Variants in TACC2 observed in about 807,000 individuals in gnomAD.
The protein encoded by TACC2 is transforming acidic coiled-coil-containing protein 2.
TACC2 carries 137 observed loss-of-function variants against 227.3 expected under a neutral mutation model. The observed-to-expected ratio is 0.60, with a 90% confidence interval of 0.52 to 0.69. TACC2 has a LOEUF of 0.69. Ranked by LOEUF, TACC2 falls within the 30% of genes least tolerant of loss-of-function variation. The probability of loss-of-function intolerance (pLI) is 0.00; values close to 1 mark genes in which losing one functional copy is unlikely to be tolerated. For synonymous variants in TACC2, 1,523 were observed against 1,487.5 expected (o/e 1.02, Z -0.55); for missense variants, 3,470 against 3,694.4 (o/e 0.94, Z 1.57).
At chr10:122,005,378 C>CTGG (rs1271506441) in intron 1 of TACC2, among the ~76,000 whole-genome samples, 4 of 137,798 alleles carry the variant, frequency 2.9e-5, no homozygotes, top group South Asian at 2.3e-4. Context: ...GCCACCACGC[C>CTGG]CAGCTTTTTT....
At chr10:122,252,332 C>T (rs765952745) in intron 22 of TACC2, among the ~76,000 whole-genome samples, 6 of 152,126 alleles carry the variant, frequency 3.9e-5, no homozygotes, top group Non-Finnish European at 7.4e-5. Flanking sequence ...GAGGATAATA[C>T]TGGCTTCCTT....
At chr10:122,064,600 A>G (rs967971685) in intron 3 of TACC2, among the ~76,000 whole-genome samples, 1 of 152,206 alleles carries the variant, frequency 6.6e-6, no homozygotes, top group African/African-American at 2.4e-5. Flanking sequence ...CCACTGGACA[A>G]CATTGAGGAC....
intron 7 of TACC2, among the ~76,000 whole-genome samples, chr10:122,176,115 CTCTATATATATATATATA>C (rs2093701273): frequency 2.1e-5 from 1 of 47,180 alleles, no homozygotes; most frequent in Non-Finnish European, 3.7e-5. Flanking sequence ...CTCTCTCTCT[CTCTATATATATATATATA>C]TATATATATA....
intron 7 of TACC2, among the ~76,000 whole-genome samples, chr10:122,191,815 T>G (rs1253445420): frequency 6.6e-6 from 1 of 152,260 alleles, no homozygotes; most frequent in Non-Finnish European, 1.5e-5. Flanking sequence ...ATTAATTTTC[T>G]TTTCTTTCAT....
chr10:122,095,122 C>T (rs187413782), intron 5 of TACC2, among the ~76,000 whole-genome samples: 3 of 152,318 alleles, frequency 2.0e-5, no homozygotes, highest in Middle Eastern at 3.4e-3. Context: ...GTTTTGGCCC[C>T]TGATGGCAAG....
chr10:122,216,288 T>C (rs1247783067), intron 10 of TACC2, among the ~76,000 whole-genome samples: 1 of 152,148 alleles, frequency 6.6e-6, no homozygotes, highest in South Asian at 2.1e-4. Flanking sequence ...GTGATATTGA[T>C]GTGCAGGCCT....
intron 7 of TACC2, among the ~76,000 whole-genome samples, chr10:122,186,894 G>T (rs192270726): frequency 6.6e-6 from 1 of 152,290 alleles, no homozygotes; most frequent in Admixed American, 6.5e-5. Context: ...GTGTGCGAAG[G>T]CAAGGAAACC....
At chr10:122,242,635 C>T (rs2038595) in intron 19 of TACC2, among the ~76,000 whole-genome samples, 43,827 of 152,012 alleles carry the variant, frequency 0.29, 7,665 homozygotes, top group South Asian at 0.43. Context: ...ATCCCTGGGC[C>T]TTTTTTTCTT....
At position 122,083,885 on chromosome 10, in the gene TACC2, A is replaced by G. The variant is rs1565243782; in HGVS notation, c.1385A>G (p.Asp462Gly). The G allele has an allele frequency of 6.2e-7, 1 of 1,614,178 alleles. No homozygotes were observed. The highest frequency in any genetic ancestry group is 2.2e-5 in the East Asian group (1 of 44,872). The change falls in exon 4 of 23, where the codon GAT becomes GGT. Residue 462 changes from aspartate to glycine, a missense_variant. By Grantham distance (94) the Asp-to-Gly change is moderately conservative (BLOSUM62 -1). This residue lies in a region of TACC2 where 1,924 missense variants were observed against 1,978.3 expected (regional missense o/e 0.97). Coordinates refer to ENST00000369005, the MANE Select transcript of TACC2 (RefSeq NM_206862.4). ...GCAGATGCAGCCAAAGAGGTGGTGG[A>G]TGCAGGGTTGGTGGGACTGGAGAGG... ...VSADAAKEVV[D>G]AGLVGLERQV...
intron 2 of TACC2, among the ~76,000 whole-genome samples, chr10:122,028,913 C>A (rs1591242545): frequency 2.9e-5 from 1 of 34,734 alleles, no homozygotes; most frequent in Non-Finnish European, 5.6e-5. Flanking sequence ...CTCCCCTCCC[C>A]TTCCCTTCCC....
At chr10:122,003,051 A>T (rs1310437091) in intron 1 of TACC2, among the ~76,000 whole-genome samples, 2 of 152,078 alleles carry the variant, frequency 1.3e-5, no homozygotes, top group African/African-American at 4.8e-5. Flanking sequence ...AAAACTACAA[A>T]AATTAGCCAG....
At chr10:122,073,277 G>A (rs1352976446) in intron 3 of TACC2, among the ~76,000 whole-genome samples, 3 of 151,718 alleles carry the variant, frequency 2.0e-5, no homozygotes, top group Non-Finnish European at 2.9e-5. Flanking sequence ...ATGCAGCCCC[G>A]GGAAGGGGAG....
intron 5 of TACC2, among the ~76,000 whole-genome samples, chr10:122,094,273 G>A (rs1051248926): frequency 6.6e-6 from 1 of 152,068 alleles, no homozygotes; most frequent in African/African-American, 2.4e-5. Flanking sequence ...AAAGCTTCAA[G>A]TATCTTTATT....
In TACC2 at chr10:122,086,442, C is replaced by T; in HGVS notation, c.3942C>T (p.Pro1314=). The T allele has an allele frequency of 4.3e-6, 7 of 1,613,864 alleles. No individual in the cohort carries two copies. The highest frequency in any genetic ancestry group is 3.3e-4 in the Middle Eastern group (2 of 6,062). The change falls in exon 4 of 23, where the codon CCC becomes CCT. Residue 1314 remains proline, a synonymous_variant. Coordinates refer to ENST00000369005, the MANE Select transcript of TACC2 (RefSeq NM_206862.4). ...IPAVQASSGS[P]KARTTEGPVD... The stretch of plus-strand genomic sequence containing the variant: ...CAGTGCAAGCCAGCAGTGGTAGTCC[C>T]AAAGCCAGAACCACTGAGGGACCAG...
At chr10:122,044,480 C>T (rs1268423364) in intron 2 of TACC2, among the ~76,000 whole-genome samples, 4 of 152,156 alleles carry the variant, frequency 2.6e-5, no homozygotes, top group Admixed American at 2.0e-4. Flanking sequence ...ATTCCTAATG[C>T]CATGGGGATG....
intron 5 of TACC2, among the ~76,000 whole-genome samples, chr10:122,108,036 C>T (rs1361859474): frequency 2.0e-5 from 3 of 151,320 alleles, no homozygotes; most frequent in African/African-American, 7.3e-5. Context: ...GGACTACAGG[C>T]ACCCACCACC....
Position 122,083,065 on chromosome 10 carries a change from T to C in TACC2, c.565T>C (p.Ser189Pro). ...PKEEGQKSSF[S>P]FSSGIDQSPG... The stretch of plus-strand genomic sequence containing the variant: ...GGAAGAAGGACAGAAGTCCTCCTTC[T>C]CCTTCTCCAGTGGCATCGACCAGTC... The change falls in exon 4 of 23, where the codon TCC becomes CCC. Residue 189 changes from serine to proline, a missense_variant. Ser to Pro is a moderately conservative substitution (Grantham distance 74). This residue lies in a region of TACC2 where 405 missense variants were observed against 389.6 expected (regional missense o/e 1.04). Coordinates refer to ENST00000369005, the MANE Select transcript of TACC2 (RefSeq NM_206862.4). 1 of 1,612,750 alleles carries C rather than the reference T, an allele frequency of 6.2e-7. No homozygotes were observed. Among genetic ancestry groups the C allele is most frequent in the Non-Finnish European group, 8.5e-7 (1 of 1,179,986 alleles).
chr10:122,207,206 A>G (rs1175504723), intron 8 of TACC2, among the ~76,000 whole-genome samples: 1 of 152,006 alleles, frequency 6.6e-6, no homozygotes, highest in Non-Finnish European at 1.5e-5. Context: ...GGCTCAGACA[A>G]GAGAATCACT....
intron 15 of TACC2, 80 bp from the exon 16 acceptor site, chr10:122,230,271 G>A (rs989113605): frequency 5.0e-5 from 63 of 1,249,982 alleles, no homozygotes; most frequent in African/African-American, 2.9e-5. Flanking sequence ...TTCGTGGCAC[G>A]TTCATTTCTC....
Sources: allele counts gnomAD v4.1 joint callset (sites outside exome capture counted in the v4.1 genomes callset), GRCh38; gene constraint gnomAD v4.1.1; regional missense constraint gnomAD v4.1.1; transcripts MANE v1.5; gene names NCBI Gene and HGNC (gene_info 2026-07-23, HGNC 2026-07-21).